Variants in DACH2 observed in about 807,000 individuals in gnomAD.
DACH2 encodes the protein dachshund family transcription factor 2.
In DACH2, 17 loss-of-function variants were observed where a neutral mutation model predicts 35.8. That is an observed-to-expected ratio of 0.48 (90% CI 0.33 to 0.71). DACH2 has a LOEUF of 0.71. Among genes scored for constraint, DACH2 ranks in the 30% least tolerant of loss-of-function variants. DACH2 has a pLI of 0.02. For synonymous variants in DACH2, 195 were observed against 177.3 expected, an observed-to-expected ratio of 1.10 and a Z score of -0.79; for missense variants, 469 against 472.7, an observed-to-expected ratio of 0.99 and a Z score of 0.07.
chrX:86,228,588 G>GAAGT (rs767303976), intron 1 of DACH2, among the ~76,000 whole-genome samples: 1 of 111,296 alleles, frequency 9.0e-6, no homozygotes, highest in African/African-American at 3.3e-5. Context: ...CAGCAGTGTA[G>GAAGT]AAGTGTTCCC....
chrX:86,254,771 C>CAAAT (rs1156929896), intron 1 of DACH2, among the ~76,000 whole-genome samples: 115 of 17,675 alleles, frequency 6.5e-3, no homozygotes, highest in African/African-American at 8.6e-3. Context: ...GGGTGTTATT[C>CAAAT]AAATAAATAA....
At chrX:86,424,716 G>A (rs543117086) in intron 2 of DACH2, among the ~76,000 whole-genome samples, 1 of 111,447 alleles carries the variant, frequency 9.0e-6, no homozygotes, top group African/African-American at 3.3e-5. Flanking sequence ...CCAGTACTAT[G>A]TTGAATAACA....
chrX:86,400,692 C>A (rs760908945), intron 2 of DACH2, among the ~76,000 whole-genome samples: 1 of 111,653 alleles, frequency 9.0e-6, no homozygotes, highest in Non-Finnish European at 1.9e-5. Context: ...TGCAGAACAG[C>A]GGATATTGGT....
intron 3 of DACH2, among the ~76,000 whole-genome samples, chrX:86,556,863 A>C (rs1234501272): frequency 1.0e-5 from 1 of 100,265 alleles, no homozygotes; most frequent in Admixed American, 1.1e-4. Context: ...TTGCTCATGC[A>C]GTTACGGAGG....
chrX:86,359,122 T>TGTGC (rs1569362549), intron 1 of DACH2, among the ~76,000 whole-genome samples: 2 of 109,467 alleles, frequency 1.8e-5, no homozygotes, highest in South Asian at 4.0e-4. Flanking sequence ...TGTTTGTGTG[T>TGTGC]GCATGTGTGT....
chrX:86,200,236 A>G (rs1364416818), intron 1 of DACH2, among the ~76,000 whole-genome samples: 1 of 111,552 alleles, frequency 9.0e-6, no homozygotes, highest in Non-Finnish European at 1.9e-5. Flanking sequence ...ATAACTGGCT[A>G]GAAGACTGAA....
chrX:86,170,045 A>G (rs2031071028), intron 1 of DACH2, among the ~76,000 whole-genome samples: 1 of 111,625 alleles, frequency 9.0e-6, no homozygotes, highest in Non-Finnish European at 1.9e-5. Flanking sequence ...GTCTGCTTCA[A>G]GGGCACCCCA....
chrX:86,419,197 C>T (rs993481192), intron 2 of DACH2, among the ~76,000 whole-genome samples: 3 of 112,092 alleles, frequency 2.7e-5, no homozygotes, highest in Non-Finnish European at 5.6e-5. Context: ...CCACCTCTGC[C>T]TATTACCCAG....
chrX:86,616,967 T>A (rs1209262866), intron 3 of DACH2, among the ~76,000 whole-genome samples: 1 of 112,273 alleles, frequency 8.9e-6, no homozygotes, highest in Non-Finnish European at 1.9e-5. Context: ...GTGTCCAATT[T>A]CGATCTTCTG....
chrX:86,326,518 T>C (rs764786065), intron 1 of DACH2, among the ~76,000 whole-genome samples: 1,847 of 104,348 alleles, frequency 0.018, 26 homozygotes, highest in Admixed American at 0.043. Context: ...CACACATATA[T>C]ATATATATAT....
At chrX:86,528,788 A>G (rs1380459231) in intron 3 of DACH2, among the ~76,000 whole-genome samples, 2 of 112,293 alleles carry the variant, frequency 1.8e-5, no homozygotes, top group Admixed American at 1.9e-4. Flanking sequence ...TGGTTTCTGT[A>G]GATAATTTTT....
intron 1 of DACH2, among the ~76,000 whole-genome samples, chrX:86,294,551 G>T (rs926854821): frequency 9.1e-6 from 1 of 109,890 alleles, no homozygotes; most frequent in Middle Eastern, 4.8e-3. Flanking sequence ...CCATCTTTGC[G>T]GTTTTTCCTA....
At chrX:86,611,733 A>G (rs1279634181) in intron 3 of DACH2, among the ~76,000 whole-genome samples, 2 of 110,578 alleles carry the variant, frequency 1.8e-5, no homozygotes, top group Non-Finnish European at 1.9e-5. Flanking sequence ...CACAATCTCC[A>G]TGCTGTTTCT....
At chrX:86,308,319 G>A (rs1320072596) in intron 1 of DACH2, among the ~76,000 whole-genome samples, 1 of 112,694 alleles carries the variant, frequency 8.9e-6, no homozygotes, top group African/African-American at 3.2e-5. Context: ...ATCCTTAGGT[G>A]GCAGAGGCCA....
chrX:86,366,593 T>C (rs1412333775), intron 1 of DACH2, among the ~76,000 whole-genome samples: 1 of 111,156 alleles, frequency 9.0e-6, no homozygotes, highest in Non-Finnish European at 1.9e-5. Context: ...ATTACATTTA[T>C]TTCTGGCTAC....
chrX:86,342,496 C>T (rs2035428612), intron 1 of DACH2, among the ~76,000 whole-genome samples: 1 of 109,024 alleles, frequency 9.2e-6, no homozygotes, highest in South Asian at 4.1e-4. Flanking sequence ...TAGAGTGAGA[C>T]CCTGTCTCAA....
At chrX:86,341,359 G>A (rs1187768224) in intron 1 of DACH2, among the ~76,000 whole-genome samples, 1 of 111,724 alleles carries the variant, frequency 9.0e-6, no homozygotes, top group East Asian at 2.8e-4. Flanking sequence ...CTCTACAAAT[G>A]GCACAAGAAA....
chrX:86,615,831 T>A (rs1031869989), intron 3 of DACH2, among the ~76,000 whole-genome samples: 2 of 110,660 alleles, frequency 1.8e-5, no homozygotes, highest in Admixed American at 1.9e-4. Flanking sequence ...TAGGTAAACT[T>A]GTGTCCTGGG....
rs61121824 is a variant in DACH2 at position 86,478,989 on chromosome X, G to A, written c.528-35290G>A. The stretch of plus-strand genomic sequence containing the variant: ...TCATACGTGGGCTTGGAGAATGAGT[G>A]CAAGGTTTTATTGAGTGGTGGAAGT... On this transcript the variant is annotated intron_variant, in intron 2 of 11. Coordinates refer to ENST00000373125, the MANE Select transcript of DACH2 (RefSeq NM_053281.3). Among the ~76,000 whole-genome samples the A allele has an allele frequency of 1.0e-4, 11 of 110,408 alleles. No individual in the cohort carries two copies. In the East Asian group the frequency reaches 3.2e-3, roughly 32 times the overall value.
Sources: gnomAD v4.1 joint callset for allele counts (sites outside exome capture counted in the v4.1 genomes callset) on GRCh38, gnomAD v4.1.1 for gene constraint, MANE v1.5 for transcripts, NCBI Gene and HGNC (gene_info 2026-07-23, HGNC 2026-07-21) for gene names.